The following SYBU variants were observed in gnomAD, a reference collection of about 807,000 sequenced individuals.
SYBU encodes the protein syntabulin.
SYBU carries 21 observed loss-of-function variants against 35.9 expected under a neutral mutation model. The ratio of observed to expected loss-of-function variants is 0.58; its 90% CI spans 0.41 to 0.84. The LOEUF is 0.84. Among genes scored for constraint, SYBU ranks in the 40% least tolerant of loss-of-function variants. SYBU has a pLI of 0.00. For missense variants in SYBU, 768 were observed against 848.2 expected, an observed-to-expected ratio of 0.91 and a Z score of 1.17; for synonymous variants, 319 against 324.3, an observed-to-expected ratio of 0.98 and a Z score of 0.18.
Position 109,586,159 on chromosome 8 carries a change from C to G in SYBU, c.431G>C (p.Ser144Thr). ...GCTCGAGGAGCTAAAATCAGCTTCACTACCTGAAAAACAACAGGGGAGAGA... is the reference window on the plus strand; with the variant it reads ...GCTCGAGGAGCTAAAATCAGCTTCAGTACCTGAAAAACAACAGGGGAGAGA... ...ESKSGLVKPG[S>T]EADFSSSSST... Residue 144 changes from serine to threonine, a missense_variant, in exon 4 of 7, where the codon AGT becomes ACT. Transcript: ENST00000276646. 6.2e-7 allele frequency: 1 copy of G among 1,603,686 alleles called. No homozygotes were observed. The highest frequency in any genetic ancestry group is 8.5e-7 in the Non-Finnish European group (1 of 1,175,364).
At chr8:109,592,966 G>A (rs1478578597) in intron 3 of SYBU, among the ~76,000 whole-genome samples, 1 of 149,726 alleles carries the variant, frequency 6.7e-6, no homozygotes, top group East Asian at 1.9e-4. Context: ...CATAGAAAGT[G>A]CTTGACACAC....
At position 109,579,745 on chromosome 8, in the gene SYBU, A is replaced by C. The variant is rs552452296; in HGVS notation, c.734+54T>G. 11 of 1,512,676 alleles carry C rather than the reference A, an allele frequency of 7.3e-6. No homozygotes were observed. The South Asian group carries it at 1.3e-4, about 18-fold the overall frequency. The allele number at this position is 1,512,676 out of a possible 1,614,324, so 93.7% of individuals were successfully genotyped here. On this transcript the variant is annotated intron_variant, in intron 5 of 6. Transcript: ENST00000276646. ...ACTTTTTTTTTTCTTTTTTAAAGAA[A>C]AGCTTACCAAGTAGGACAAACTAAG...
intron 1 of SYBU, among the ~76,000 whole-genome samples, chr8:109,653,564 A>G (rs1208809373): frequency 1.3e-5 from 2 of 152,090 alleles, no homozygotes; most frequent in Non-Finnish European, 2.9e-5. Flanking sequence ...TGGATGAATG[A>G]CACTGCATGC....
At chr8:109,635,285 G>A (rs536635883) in intron 2 of SYBU, among the ~76,000 whole-genome samples, 12 of 152,216 alleles carry the variant, frequency 7.9e-5, no homozygotes, top group African/African-American at 2.9e-4. Context: ...AAACCTCTTG[G>A]CTACCTACTT....
At chr8:109,623,612 T>A (rs1447177418) in intron 2 of SYBU, among the ~76,000 whole-genome samples, 3 of 152,168 alleles carry the variant, frequency 2.0e-5, no homozygotes, top group Non-Finnish European at 4.4e-5. Context: ...AAAATGATTT[T>A]AAAAATCTAT....
chr8:109,645,203 C>A, upstream of SYBU: 3 of 456,856 alleles, frequency 6.6e-6, no homozygotes, highest in Non-Finnish European at 1.3e-5. Flanking sequence ...TTCCCCTGGC[C>A]ACCCCTCCTT....
At chr8:109,610,872 T>C (rs1586822554) in intron 3 of SYBU, among the ~76,000 whole-genome samples, 1 of 152,196 alleles carries the variant, frequency 6.6e-6, no homozygotes, top group Non-Finnish European at 1.5e-5. Flanking sequence ...CTCCTCTTGC[T>C]CCTTCAGGAT....
chr8:109,600,370 C>A (rs960516952), intron 3 of SYBU, among the ~76,000 whole-genome samples: 10 of 152,102 alleles, frequency 6.6e-5, no homozygotes, highest in African/African-American at 2.4e-4. Flanking sequence ...CCTGTATGCC[C>A]AAACCTCTTA....
At position 109,575,580 on chromosome 8, in the gene SYBU, C is replaced by G. The variant is rs760967757; in HGVS notation, c.1318G>C (p.Asp440His). The G allele has an allele frequency of 6.2e-7, 1 of 1,614,034 alleles. No homozygotes were observed. Among genetic ancestry groups the G allele is most frequent in the South Asian group, 1.1e-5 (1 of 91,072 alleles). The part of the protein sequence containing the change: ...LVGDSIANST[D>H]LFDEIVTATT... ...GCTGTCACTATCTCATCGAACAAAT[C>G]TGTGCTGTTGGCTATGCTATCTCCT... The change falls in exon 7 of 7, where the codon GAT becomes CAT. Residue 440 changes from aspartate to histidine, a missense_variant. Asp to His is a moderately conservative substitution (Grantham distance 81, BLOSUM62 -1). Coordinates refer to ENST00000276646, the MANE Select transcript of SYBU (RefSeq NM_001099754.2).
At chr8:109,631,010 T>A (rs1813563165) in intron 2 of SYBU, among the ~76,000 whole-genome samples, 1 of 152,164 alleles carries the variant, frequency 6.6e-6, no homozygotes, top group South Asian at 2.1e-4. Context: ...TTATGTTGAA[T>A]GCTGCTGAGA....
intron 4 of SYBU, chr8:109,581,100 T>A (rs1362158333): frequency 6.6e-6 from 1 of 152,236 alleles, no homozygotes. Flanking sequence ...CTGTGCAAAC[T>A]TCTACCATTG....
intron 1 of SYBU, among the ~76,000 whole-genome samples, chr8:109,677,432 GA>G (rs1817231588): frequency 6.6e-6 from 1 of 152,058 alleles, no homozygotes; most frequent in Non-Finnish European, 1.5e-5. Context: ...TCAATTATTT[GA>G]AGTAAATTGC....
At chr8:109,665,036 G>T (rs1475183591) in intron 1 of SYBU, among the ~76,000 whole-genome samples, 1 of 152,096 alleles carries the variant, frequency 6.6e-6, no homozygotes, top group Non-Finnish European at 1.5e-5. Flanking sequence ...ATTAACACTT[G>T]AATGGTCTAG....
At chr8:109,616,948 G>A (rs2130333530) in intron 3 of SYBU, among the ~76,000 whole-genome samples, 1 of 151,952 alleles carries the variant, frequency 6.6e-6, no homozygotes, top group African/African-American at 2.4e-5. Flanking sequence ...AGACCAGCCT[G>A]ACCAACATGG....
At chr8:109,592,440 GA>G (rs150663017) in intron 3 of SYBU, among the ~76,000 whole-genome samples, 18,737 of 152,138 alleles carry the variant, frequency 0.12, 1,272 homozygotes, top group South Asian at 0.28. Context: ...AGTCCCAGGG[GA>G]AATACTAGTA....
At chr8:109,610,029 A>C (rs901578061) in intron 3 of SYBU, among the ~76,000 whole-genome samples, 8 of 152,036 alleles carry the variant, frequency 5.3e-5, no homozygotes, top group Non-Finnish European at 8.8e-5. Flanking sequence ...AAGGATATAG[A>C]CTTCAGCTGC....
At chr8:109,674,093 T>C (rs1028976516) in intron 1 of SYBU, among the ~76,000 whole-genome samples, 9 of 152,046 alleles carry the variant, frequency 5.9e-5, no homozygotes, top group East Asian at 1.9e-4. Context: ...TGGAACCAAG[T>C]TGGAAAACAC....
At chr8:109,611,491 G>A (rs761233558) in intron 3 of SYBU, among the ~76,000 whole-genome samples, 2 of 152,154 alleles carry the variant, frequency 1.3e-5, no homozygotes, top group Non-Finnish European at 2.9e-5. Flanking sequence ...TACTGGTTTG[G>A]TCCCTGCTGG....
rs1189805646 is a variant in SYBU at position 109,644,032 on chromosome 8, G to C, written c.24+604C>G. Reference sequence around the variant, plus strand: ...ACACCCTTTCGAAACATGACCTACTGTTCCTTCCACCGGCTTACCAGGAAG... The same window carrying C: ...ACACCCTTTCGAAACATGACCTACTCTTCCTTCCACCGGCTTACCAGGAAG... On this transcript the variant is annotated intron_variant, in intron 1 of 6. Coordinates refer to ENST00000276646, the MANE Select transcript of SYBU (RefSeq NM_001099754.2). The C allele has an allele frequency of 1.9e-4, 86 of 453,576 alleles. 2 individuals are homozygous for C. The highest frequency in any genetic ancestry group is 1.3e-3 in the South Asian group (80 of 63,980). The allele number at this position is 453,576 out of a possible 1,614,324, so 28.1% of individuals were successfully genotyped here.
Sources: gnomAD v4.1 joint callset for allele counts (sites outside exome capture counted in the v4.1 genomes callset) on GRCh38, gnomAD v4.1.1 for gene constraint, MANE v1.5 for transcripts, NCBI Gene and HGNC (gene_info 2026-07-23, HGNC 2026-07-21) for gene names.